CCDC22: variants seen among roughly 807,000 people sequenced by gnomAD.
The protein encoded by CCDC22 is coiled-coil domain-containing protein 22.
Under a neutral mutation model 53.1 loss-of-function variants are expected in CCDC22, and 4 were observed. That is an observed-to-expected ratio of 0.08 (90% CI 0.04 to 0.17). CCDC22 has a LOEUF of 0.17. Ranked by LOEUF, CCDC22 falls within the 10% of genes least tolerant of loss-of-function variation. The probability of loss-of-function intolerance (pLI) is 1.00; values close to 1 mark genes in which losing one functional copy is unlikely to be tolerated. For synonymous variants in CCDC22, 222 were observed against 224.4 expected (o/e 0.99, Z 0.10); for missense variants, 458 against 554.0 (o/e 0.83, Z 1.74).
intron 2 of CCDC22, among the ~76,000 whole-genome samples, chrX:49,241,197 G>T (rs889512041): frequency 2.7e-5 from 3 of 111,831 alleles, no homozygotes; most frequent in Admixed American, 1.9e-4. Flanking sequence ...GAAGAAAAAG[G>T]CTTTCCTAGG....
chrX:49,238,314 C>T (rs1169747775), intron 2 of CCDC22, among the ~76,000 whole-genome samples: 4 of 110,996 alleles, frequency 3.6e-5, no homozygotes, highest in African/African-American at 9.8e-5. Context: ...CTCCTGACCT[C>T]GTGATCTGCC....
At position 49,242,911 on chromosome X, in the gene CCDC22, C is replaced by A. The variant is rs782683009; in HGVS notation, c.387C>A (p.Ala129=). ...PAGDSAILLR[A]IGSQIRDQLA... is the part of the protein sequence containing the mutation. ...GTGACTCAGCTATTCTCCTCCGGGC[C>A]ATTGGGAGCCAAATTCGGGACCAGC... is the stretch of plus-strand genomic sequence containing the variant. The change falls in exon 4 of 17, where the codon GCC becomes GCA. Residue 129 remains alanine (A), a synonymous_variant. Transcript: ENST00000376227. The A allele has an allele frequency of 8.6e-7, 1 of 1,163,973 alleles. No individual in the cohort carries two copies. The highest frequency in any genetic ancestry group is 2.0e-5 in the South Asian group (1 of 49,654).
At position 49,248,871 on chromosome X, in the gene CCDC22, C is replaced by T. The variant is rs200954122; in HGVS notation, c.1486C>T (p.Arg496Cys). 9 of 1,209,027 alleles carry T rather than the reference C, an allele frequency of 7.4e-6. No homozygotes were observed. The East Asian group carries it at 1.5e-4, about 20-fold the overall frequency. ...RDVSRLAYTQ[R>C]ILEIVGNIRK... ...TGTGTCCCGGCTGGCCTACACCCAG[C>T]GCATCCTGGAGATCGTGGGCAACAT... The change falls in exon 13 of 17, where the codon CGC (arginine) becomes TGC (cysteine). Residue 496 changes from arginine (R) to cysteine (C), a missense_variant. Physicochemically the swap from Arg to Cys is radical, Grantham distance 180 (BLOSUM62 -3). Coordinates refer to ENST00000376227, the MANE Select transcript of CCDC22 (RefSeq NM_014008.5).
intron 2 of CCDC22, 95 bp downstream of exon 2, chrX:49,237,358 C>T (rs2065942819): frequency 2.4e-6 from 2 of 820,040 alleles, no homozygotes; most frequent in Admixed American, 2.8e-5. Flanking sequence ...CTCTGCAACA[C>T]TTGCCTTTCC....
intron 13 of CCDC22, 41 bp from the exon 14 acceptor site, chrX:49,249,126 T>G (rs1475052049): frequency 8.6e-7 from 1 of 1,166,596 alleles, no homozygotes; most frequent in Non-Finnish European, 1.2e-6. Context: ...CTAGCCAGCC[T>G]GCCCCAGGCA....
intron 6 of CCDC22, among the ~76,000 whole-genome samples, chrX:49,246,356 CCTCT>C (rs1157901773): frequency 9.0e-6 from 1 of 111,649 alleles, no homozygotes; most frequent in Non-Finnish European, 1.9e-5. Flanking sequence ...CCCTCTCTTG[CCTCT>C]CTCTCTCTGC....
rs141154969 is a variant in CCDC22, at chrX:49,247,975, C to T, written c.1092+207C>T. On this transcript the variant is annotated intron_variant, in intron 9 of 16. Coordinates refer to ENST00000376227, the MANE Select transcript of CCDC22 (RefSeq NM_014008.5). ...GTCTGTGGGCATCTATGGGGCACCG[C>T]GGGTCTGCATGGGCAGGGGATTGAG... is the stretch of plus-strand genomic sequence containing the variant. Among the ~76,000 whole-genome samples the T allele has an allele frequency of 3.2e-4, 35 of 110,541 alleles. No individual in the cohort carries two copies. In the East Asian group the frequency reaches 7.5e-3, roughly 24 times the overall value.
rs1557113650 is a variant in CCDC22, at chrX:49,243,182, G to A, written c.533G>A (p.Gly178Asp). Residue 178 changes from glycine (G) to aspartate (D), a missense_variant and splice_region_variant, in exon 5 of 17, where the codon GGT (glycine) becomes GAT (aspartate). Gly to Asp is a moderately conservative substitution (Grantham distance 94). This residue lies in a region of CCDC22 where 309 missense variants were observed against 312.3 expected (regional missense o/e 0.99). Transcript: ENST00000376227. ...GTCGTGCCAGAATTGAGTTCCAGAG[G>A]TGGTGAGCATGAGGCTGTGGGGAGG... is the stretch of plus-strand genomic sequence containing the variant. ...RLVVPELSSR[G>D]EPREFQASPL... 1.7e-6 allele frequency: 2 copies of A among 1,211,442 alleles called. No individual in the cohort carries two copies. The highest frequency in any genetic ancestry group is 1.8e-5 in the South Asian group (1 of 56,960).
chrX:49,246,054 C>T (rs1227717514), intron 6 of CCDC22, among the ~76,000 whole-genome samples: 2 of 108,464 alleles, frequency 1.8e-5, no homozygotes, highest in Non-Finnish European at 3.8e-5. Context: ...GGCGTGATGT[C>T]GCTTCACTGC....
intron 13 of CCDC22, 53 bp from the exon 14 acceptor site, chrX:49,249,114 T>G (rs1159452779): frequency 8.7e-7 from 1 of 1,154,572 alleles, no homozygotes; most frequent in East Asian, 3.0e-5. Flanking sequence ...GACCCTCCAC[T>G]GCTAGCCAGC....
chrX:49,245,947 GT>G (rs1226158250), intron 6 of CCDC22, among the ~76,000 whole-genome samples: 10 of 99,632 alleles, frequency 1.0e-4, no homozygotes, highest in South Asian at 5.2e-4. Context: ...TATCTTGTGG[GT>G]TTTTTTTTGT....
intron 15 of CCDC22, 36 bp from the exon 16 acceptor site, chrX:49,249,615 G>GGC: frequency 2.5e-6 from 1 of 406,822 alleles, no homozygotes; most frequent in Non-Finnish European, 4.5e-6. Context: ...GGGTGGGTGG[G>GGC]ACTGGGTGCA....
chrX:49,242,895 C>T lies in CCDC22; in HGVS notation c.371C>T (p.Ala124Val), dbSNP rs2065970800. ...TCCCTATCCCCCATAGGTGACTCAG[C>T]TATTCTCCTCCGGGCCATTGGGAGC... ...EDADQPAGDS[A>V]ILLRAIGSQI... Residue 124 changes from alanine to valine, a missense_variant, in exon 4 of 17, where the codon GCT (alanine) becomes GTT (valine). Ala to Val is a moderately conservative substitution (Grantham distance 64). This residue lies in a region of CCDC22 where 309 missense variants were observed against 312.3 expected (regional missense o/e 0.99). Transcript: ENST00000376227. 8.8e-7 allele frequency: 1 copy of T among 1,141,588 alleles called. No individual in the cohort carries two copies. Among genetic ancestry groups the T allele is most frequent in the Non-Finnish European group, 1.2e-6 (1 of 858,211 alleles). The allele number at this position is 1,141,588 out of a possible 1,213,427, so 94.1% of individuals were successfully genotyped here. A position where few individuals can be genotyped will look rare whatever the true frequency, so the allele number is the denominator to read the frequency against.
chrX:49,244,511 A>G (rs908614208), intron 6 of CCDC22, among the ~76,000 whole-genome samples: 1 of 103,505 alleles, frequency 9.7e-6, no homozygotes, highest in African/African-American at 3.6e-5. Context: ...CTCTCTGTCC[A>G]CCTCTGTATT....
Position 49,249,703 on chromosome X carries a change from A to G in CCDC22, c.1748A>G (p.Glu583Gly). The change falls in exon 16 of 17, where the codon GAG (glutamate) becomes GGG (glycine). Residue 583 changes from glutamate (E) to glycine (G), a missense_variant. Coordinates refer to ENST00000376227, the MANE Select transcript of CCDC22 (RefSeq NM_014008.5). ...GAGGACACAGGCACCATCATGCGGGAGGTTCGAGACCTCGAGGAGCAGGTG... is the reference window on the plus strand; with the variant it reads ...GAGGACACAGGCACCATCATGCGGGGGGTTCGAGACCTCGAGGAGCAGGTG... ...TIEDTGTIMR[E>G]VRDLEEQIET... The G allele has an allele frequency of 2.5e-6, 3 of 1,208,464 alleles. No homozygotes were observed. Among genetic ancestry groups the G allele is most frequent in the Non-Finnish European group, 3.4e-6 (3 of 894,381 alleles).
intron 2 of CCDC22, among the ~76,000 whole-genome samples, chrX:49,240,668 C>G (rs1243540028): frequency 4.5e-5 from 5 of 111,989 alleles, no homozygotes; most frequent in Admixed American, 9.5e-5. Context: ...CTGTAGCCCC[C>G]CCGCAACTCA....
intron 6 of CCDC22, among the ~76,000 whole-genome samples, chrX:49,244,884 C>A (rs2065981702): frequency 9.1e-6 from 1 of 110,355 alleles, no homozygotes; most frequent in South Asian, 3.9e-4. Flanking sequence ...CCTCTTTGTC[C>A]CCTCTTCTTC....
At chrX:49,247,183 C>T in intron 7 of CCDC22, 1 of 436,519 alleles carries the variant, frequency 2.3e-6, no homozygotes, top group East Asian at 3.7e-5. Flanking sequence ...CAGGCAGTTT[C>T]CTTTGAGCAT....
In CCDC22 at chrX:49,247,501, C is replaced by T. The variant is rs1443128992; in HGVS notation, c.915C>T (p.Pro305=). ...HSEKFTFHLE[P]QAQATQVSDV... Reference sequence around the variant, plus strand: ...CCCCTCGTCACTCCCCTTAGGAGCCCCAGGCCCAGGCCACTCAGGTGTCAG... The same window carrying T: ...CCCCTCGTCACTCCCCTTAGGAGCCTCAGGCCCAGGCCACTCAGGTGTCAG... The change falls in exon 8 of 17, where the codon CCC becomes CCT. Residue 305 remains proline (P), a synonymous_variant. Transcript: ENST00000376227. The T allele has an allele frequency of 8.4e-7, 1 of 1,193,736 alleles. No individual in the cohort carries two copies.
Sources: gnomAD v4.1 joint callset for allele counts (sites outside exome capture counted in the v4.1 genomes callset) on GRCh38, gnomAD v4.1.1 for gene constraint, gnomAD v4.1.1 regional missense constraint, MANE v1.5 for transcripts, NCBI Gene and HGNC (gene_info 2026-07-23, HGNC 2026-07-21) for gene names.